The following ADGRF1 variants were observed in gnomAD, a reference collection of about 807,000 sequenced individuals.
ADGRF1 encodes the protein adhesion G protein-coupled receptor F1, also known as G protein-coupled receptor 110.
ADGRF1 carries 85 observed loss-of-function variants against 87.2 expected under a neutral mutation model. The ratio of observed to expected loss-of-function variants is 0.97; its 90% CI spans 0.82 to 1.17. The LOEUF is 1.17. ADGRF1 is among the 50% of genes most tolerant of loss of function. The probability of loss-of-function intolerance (pLI) is 0.00; values close to 1 mark genes in which losing one functional copy is unlikely to be tolerated. For missense variants in ADGRF1, 1,169 were observed against 1,077.2 expected, an observed-to-expected ratio of 1.09 and a Z score of -1.19; for synonymous variants, 430 against 408.8, an observed-to-expected ratio of 1.05 and a Z score of -0.63.
rs576201977 is a variant in ADGRF1 at position 47,024,226 on chromosome 6, GA to G, written c.278-10del. The G allele has an allele frequency of 2.9e-4, 465 of 1,607,454 alleles. 1 individual carries two copies. The African/African-American group carries it at 5.1e-3, about 18-fold the overall frequency. On this transcript the variant is annotated splice_polypyrimidine_tract_variant and intron_variant, in intron 4 of 14. Coordinates refer to ENST00000371253, the MANE Select transcript of ADGRF1 (RefSeq NM_153840.4). ...ATTCAGGCTGTTGCAGTCTGCACAAGAAATAGAACTCAGTCTCATGGATTCT... is the reference window on the plus strand; with the variant it reads ...ATTCAGGCTGTTGCAGTCTGCACAAGAATAGAACTCAGTCTCATGGATTCT...
intron 10 of ADGRF1, among the ~76,000 whole-genome samples, chr6:47,010,867 G>A (rs1310140387): frequency 1.3e-5 from 2 of 152,154 alleles, no homozygotes; most frequent in Non-Finnish European, 2.9e-5. Context: ...GCATTGAATT[G>A]TCATGGGTTT....
chr6:47,035,962 G>A (rs1780577082), intron 1 of ADGRF1, among the ~76,000 whole-genome samples: 1 of 152,166 alleles, frequency 6.6e-6, no homozygotes, highest in Non-Finnish European at 1.5e-5. Context: ...TGGGCGCGAT[G>A]GCTCAAGCCT....
chr6:47,012,723 G>A (rs1779745909), intron 9 of ADGRF1: 3 of 985,402 alleles, frequency 3.0e-6, no homozygotes, highest in Non-Finnish European at 3.6e-6. Flanking sequence ...CATACATGGA[G>A]ATTTGACTAC....
At chr6:47,000,447 G>A in intron 14 of ADGRF1, 152 bp from the exon 15 acceptor site, 8 of 555,720 alleles carry the variant, frequency 1.4e-5, no homozygotes. Flanking sequence ...TTGGTGGAGA[G>A]AAATAGCATT....
At chr6:47,035,909 A>G (rs980581006) in intron 1 of ADGRF1, among the ~76,000 whole-genome samples, 2 of 152,202 alleles carry the variant, frequency 1.3e-5, no homozygotes, top group African/African-American at 4.8e-5. Context: ...TAGAGCAGAG[A>G]GAGAGGGAGA....
Position 47,014,776 on chromosome 6 carries a change from C to A in ADGRF1, c.832G>T (p.Gly278Cys). 1 of 1,613,984 alleles carries A rather than the reference C, an allele frequency of 6.2e-7. No individual in the cohort carries two copies. The highest frequency in any genetic ancestry group is 1.1e-5 in the South Asian group (1 of 91,072). ...DDEYTLPCSS[G>C]YRGNITAKCE... ...TTGGCTGTGATGTTTCCCCTGTAGC[C>A]ACTGCTGCAGGGCAGGGTATATTCA... Residue 278 changes from glycine (G) to cysteine (C), a missense_variant, in exon 9 of 15, where the codon GGC (glycine) becomes TGC (cysteine). Coordinates refer to ENST00000371253, the MANE Select transcript of ADGRF1 (RefSeq NM_153840.4).
chr6:47,016,531 T>C (rs1779883531), intron 8 of ADGRF1, 86 bp downstream of exon 8: 1 of 1,376,770 alleles, frequency 7.3e-7, no homozygotes, highest in Non-Finnish European at 9.6e-7. Flanking sequence ...TATTCAAACG[T>C]CTCAAATCTA....
chr6:47,038,342 CT>C (rs1484003810), intron 1 of ADGRF1, among the ~76,000 whole-genome samples: 1 of 152,114 alleles, frequency 6.6e-6, no homozygotes, highest in Non-Finnish European at 1.5e-5. Flanking sequence ...TTCAGATTTC[CT>C]TTCATTTCCT....
intron 13 of ADGRF1, among the ~76,000 whole-genome samples, chr6:47,002,747 A>T (rs1228645): frequency 0.12 from 17,814 of 152,068 alleles, 2,560 homozygotes; most frequent in African/African-American, 0.33. Flanking sequence ...AGAGTCTGTG[A>T]CTTGGAGAAG....
Position 47,009,082 on chromosome 6 carries a change from T to A in ADGRF1, c.2353A>T (p.Thr785Ser). The A allele has an allele frequency of 1.2e-6, 2 of 1,614,064 alleles. No homozygotes were observed. Among genetic ancestry groups the A allele is most frequent in the African/African-American group, 1.3e-5 (1 of 75,024 alleles). Reference protein sequence around the residue: ...GERLSRDDKATIIRVGKSLLI... With the variant: ...GERLSRDDKASIIRVGKSLLI... ...AGGCTCTTCCCCACGCGGATGATGG[T>A]GGCCTTGTCATCCCGACTCAGTCTT... Residue 785 changes from threonine to serine, a missense_variant, in exon 11 of 15, where the codon ACC (threonine) becomes TCC (serine). Thr to Ser is a moderately conservative substitution (Grantham distance 58). Transcript: ENST00000371253.
chr6:47,037,566 G>A (rs963191272), intron 1 of ADGRF1, among the ~76,000 whole-genome samples: 1 of 152,138 alleles, frequency 6.6e-6, no homozygotes, highest in Non-Finnish European at 1.5e-5. Context: ...GGGGTGCCGT[G>A]CCATGATCAT....
chr6:47,024,982 G>A (rs555513034), intron 4 of ADGRF1, among the ~76,000 whole-genome samples: 2 of 152,180 alleles, frequency 1.3e-5, no homozygotes, highest in African/African-American at 4.8e-5. Context: ...TCTCATTGGA[G>A]GCTCCTTTCT....
chr6:47,003,195 G>A (rs1274301321), intron 13 of ADGRF1, among the ~76,000 whole-genome samples: 1 of 152,086 alleles, frequency 6.6e-6, no homozygotes, highest in African/African-American at 2.4e-5. Flanking sequence ...TCCCTTTGGA[G>A]CTCAGACACA....
Position 47,025,537 on chromosome 6 carries a change from G to T in ADGRF1, c.277+317C>A, listed in dbSNP as rs1456936171. 5.9e-5 allele frequency among the ~76,000 whole-genome samples: 9 copies of T among 152,148 alleles called. 1 individual carries two copies. The South Asian group carries it at 8.3e-4, about 14-fold the overall frequency. On this transcript the variant is annotated intron_variant, in intron 4 of 14. Transcript: ENST00000371253. ...TGGAGCCAGTTCTAGCCAAAAAGTT[G>T]TTGGCAGAGTTACTGCGGTCACTTC...
chr6:47,033,422 G>A (rs150020776), intron 1 of ADGRF1, among the ~76,000 whole-genome samples: 3 of 152,340 alleles, frequency 2.0e-5, no homozygotes, highest in African/African-American at 7.2e-5. Context: ...TCAACAGCAG[G>A]CTTAGTTGAA....
intron 6 of ADGRF1, 88 bp downstream of exon 6, chr6:47,021,870 A>G: frequency 2.8e-6 from 2 of 713,514 alleles, no homozygotes; most frequent in Non-Finnish European, 4.9e-6. Context: ...ATAATTAAGA[A>G]TATGTATTAA....
intron 1 of ADGRF1, among the ~76,000 whole-genome samples, chr6:47,034,182 G>T (rs957566259): frequency 3.3e-5 from 5 of 152,136 alleles, no homozygotes; most frequent in Non-Finnish European, 5.9e-5. Context: ...ACAGTAAGAG[G>T]AAAAATAAAG....
At chr6:47,023,082 TA>T (rs1780114694) in intron 5 of ADGRF1, among the ~76,000 whole-genome samples, 1 of 152,226 alleles carries the variant, frequency 6.6e-6, no homozygotes, top group Non-Finnish European at 1.5e-5. Flanking sequence ...TCCAAATTGC[TA>T]GGATTACAAG....
In ADGRF1 at chr6:47,027,222, C is replaced by G. The variant is rs111863507; in HGVS notation, c.127+482G>C. ...TTTCATTTTCCCAAAGAAGTATAGC[C>G]TTGCACAGTGATAGGTGCTATGGTA... On this transcript the variant is annotated intron_variant, in intron 3 of 14. Transcript: ENST00000371253. Among the ~76,000 whole-genome samples the G allele has an allele frequency of 5.7e-3, 863 of 152,314 alleles. 10 individuals carry two copies. Among genetic ancestry groups the G allele is most frequent in the South Asian group, 0.024 (117 of 4,826 alleles).
Sources: gnomAD v4.1 joint callset for allele counts (sites outside exome capture counted in the v4.1 genomes callset) on GRCh38, gnomAD v4.1.1 for gene constraint, MANE v1.5 for transcripts, NCBI Gene and HGNC (gene_info 2026-07-23, HGNC 2026-07-21) for gene names.